The following ACMSD variants were observed in gnomAD, a reference collection of about 807,000 sequenced individuals.
The protein encoded by ACMSD is aminocarboxymuconate semialdehyde decarboxylase.
ACMSD carries 37 observed loss-of-function variants against 45.9 expected under a neutral mutation model. The observed-to-expected ratio is 0.81, with a 90% CI of 0.62 to 1.06. The LOEUF is 1.06. ACMSD is among the 50% of genes least tolerant of loss of function. The pLI is 0.00. For synonymous variants in ACMSD, 138 were observed against 148.8 expected (o/e 0.93, Z 0.53); for missense variants, 434 against 420.9 (o/e 1.03, Z -0.27).
At chr2:134,886,909 C>T (rs1221904762) in intron 8 of ACMSD, among the ~76,000 whole-genome samples, 2 of 152,094 alleles carry the variant, frequency 1.3e-5, no homozygotes, top group African/African-American at 2.4e-5. Context: ...CAGGACATAA[C>T]GGCAATATTT....
chr2:134,901,377 C>T (rs941634053), intron 9 of ACMSD, among the ~76,000 whole-genome samples: 19 of 152,134 alleles, frequency 1.2e-4, no homozygotes, highest in African/African-American at 4.6e-4. Context: ...TTATTTAGGG[C>T]CATGTGAAAA....
chr2:134,846,305 G>A (rs1687049186), intron 2 of ACMSD, among the ~76,000 whole-genome samples: 4 of 152,132 alleles, frequency 2.6e-5, no homozygotes, highest in South Asian at 2.1e-4. Context: ...AAATTTTCAG[G>A]CCCTACCCCA....
At position 134,839,206 on chromosome 2, in the gene ACMSD, T is replaced by A. The variant is rs537778044; in HGVS notation, c.57+467T>A. On this transcript the variant is annotated intron_variant, in intron 1 of 9. Transcript: ENST00000356140. The stretch of plus-strand genomic sequence containing the variant: ...AAGCACCAAGAGATAGCTTTGTGAA[T>A]TTTTTTAGTCTATTTTAGGACACTG... 2.6e-5 allele frequency among the ~76,000 whole-genome samples: 4 copies of A among 152,304 alleles called. No individual in the cohort carries two copies. In the East Asian group the frequency reaches 7.7e-4, roughly 29 times the overall value.
chr2:134,879,601 T>C (rs1198664014), intron 8 of ACMSD, among the ~76,000 whole-genome samples: 3 of 152,220 alleles, frequency 2.0e-5, no homozygotes, highest in African/African-American at 7.2e-5. Flanking sequence ...ACCCTCTGGC[T>C]TGGCAATTCT....
intron 4 of ACMSD, among the ~76,000 whole-genome samples, chr2:134,862,630 C>T (rs1397777747): frequency 6.6e-6 from 1 of 152,154 alleles, no homozygotes; most frequent in Non-Finnish European, 1.5e-5. Context: ...TACATACTTC[C>T]GTGATCTGTG....
At chr2:134,885,670 G>GA (rs1406496599) in intron 8 of ACMSD, among the ~76,000 whole-genome samples, 3 of 151,096 alleles carry the variant, frequency 2.0e-5, no homozygotes, top group South Asian at 2.1e-4. Flanking sequence ...ATTTTATAGA[G>GA]AAAAAAATCA....
At chr2:134,878,573 C>G (rs1011788653) in intron 8 of ACMSD, among the ~76,000 whole-genome samples, 1 of 152,146 alleles carries the variant, frequency 6.6e-6, no homozygotes, top group Admixed American at 6.6e-5. Flanking sequence ...GTGATCCACC[C>G]ACCTCAGCCT....
chr2:134,875,278 C>T (rs1688675764), intron 8 of ACMSD, among the ~76,000 whole-genome samples: 2 of 152,164 alleles, frequency 1.3e-5, no homozygotes, highest in African/African-American at 4.8e-5. Context: ...AGGCATGAGT[C>T]ACCATAACTG....
intron 6 of ACMSD, among the ~76,000 whole-genome samples, chr2:134,870,447 A>G (rs1688372623): frequency 6.6e-6 from 1 of 152,156 alleles, no homozygotes; most frequent in African/African-American, 2.4e-5. Flanking sequence ...AGATGAGGAA[A>G]TTGAGAGAGA....
chr2:134,857,664 T>C (rs1260259444), intron 2 of ACMSD, among the ~76,000 whole-genome samples: 2 of 151,944 alleles, frequency 1.3e-5, no homozygotes, highest in African/African-American at 2.4e-5. Context: ...TTTAGGTGAC[T>C]TTTGTTTCTT....
chr2:134,881,435 G>A (rs1689033182), intron 8 of ACMSD, among the ~76,000 whole-genome samples: 1 of 152,184 alleles, frequency 6.6e-6, no homozygotes, highest in African/African-American at 2.4e-5. Flanking sequence ...GCAGAGATAT[G>A]ATCTTGTCTT....
rs1211141557 is a variant in ACMSD at position 134,898,431 on chromosome 2, G to A, written c.940G>A (p.Glu314Lys). Residue 314 changes from glutamate (E) to lysine (K), a missense_variant, in exon 9 of 10, where the codon GAA (glutamate) becomes AAA (lysine). Transcript: ENST00000356140. ...LIESMEEFDE[E>K]TKNKLKAGNA... The stretch of plus-strand genomic sequence containing the variant: ...AGAGTCCATGGAAGAATTTGATGAA[G>A]AAACAAAGGTATAATGTCTTTTACT... 7.5e-6 allele frequency: 12 copies of A among 1,591,710 alleles called. No individual in the cohort carries two copies. The highest frequency in any genetic ancestry group is 1.0e-5 in the Non-Finnish European group (12 of 1,170,452).
chr2:134,848,437 A>G (rs1352139864), intron 2 of ACMSD, among the ~76,000 whole-genome samples: 7 of 152,160 alleles, frequency 4.6e-5, no homozygotes, highest in Non-Finnish European at 1.0e-4. Flanking sequence ...CCTCTCCAGC[A>G]TCTGTTGTTT....
chr2:134,841,864 A>C (rs1415439808), intron 1 of ACMSD, among the ~76,000 whole-genome samples: 5 of 152,220 alleles, frequency 3.3e-5, no homozygotes, highest in African/African-American at 1.2e-4. Context: ...CATCGATATA[A>C]GGCTTTAGAA....
chr2:134,885,396 ATAT>A (rs1351846921), intron 8 of ACMSD, among the ~76,000 whole-genome samples: 36 of 105,376 alleles, frequency 3.4e-4, no homozygotes, highest in East Asian at 3.3e-3. Flanking sequence ...GTAAATATAT[ATAT>A]TTATATATAA....
At chr2:134,840,576 C>T (rs181926927) in intron 1 of ACMSD, among the ~76,000 whole-genome samples, 17 of 152,244 alleles carry the variant, frequency 1.1e-4, no homozygotes, top group East Asian at 3.9e-4. Context: ...GAAGCTTGTT[C>T]GCCCCTTCTG....
At chr2:134,899,092 A>G (rs1690349708) in intron 9 of ACMSD, among the ~76,000 whole-genome samples, 1 of 152,158 alleles carries the variant, frequency 6.6e-6, no homozygotes, top group African/African-American at 2.4e-5. Flanking sequence ...CCCAGGAGTC[A>G]GGGATGGCCA....
Position 134,863,279 on chromosome 2 carries a change from T to C in ACMSD, c.250-116T>C, listed in dbSNP as rs995797945. 12 of 1,092,222 alleles carry C rather than the reference T, an allele frequency of 1.1e-5. No homozygotes were observed. In the Admixed American group the frequency reaches 1.7e-4, roughly 15 times the overall value. 67.7% of individuals were successfully genotyped at this position (1,092,222 alleles called of 1,614,324 possible). ...CAATCTGTGCCTCTGTTTTCTGATG[T>C]GGTAAAGCCACTGAAAATGACAAAT... On this transcript the variant is annotated intron_variant, in intron 4 of 9. Coordinates refer to ENST00000356140, the MANE Select transcript of ACMSD (RefSeq NM_138326.3).
intron 9 of ACMSD, 56 bp from the exon 10 acceptor site, chr2:134,901,742 T>G: frequency 7.1e-7 from 1 of 1,401,520 alleles, no homozygotes; most frequent in African/African-American, 1.4e-5. Flanking sequence ...ATGTAGTACT[T>G]AAAAGTACTT....
Sources: gnomAD v4.1 joint callset for allele counts (sites outside exome capture counted in the v4.1 genomes callset) on GRCh38, gnomAD v4.1.1 for gene constraint, MANE v1.5 for transcripts, NCBI Gene and HGNC (gene_info 2026-07-23, HGNC 2026-07-21) for gene names.